Variants in HHAT observed in about 807,000 individuals in gnomAD.
HHAT encodes the protein hedgehog acyltransferase.
In HHAT, 47 loss-of-function variants were observed where a neutral mutation model predicts 70.8. The observed-to-expected ratio is 0.66, with a 90% CI of 0.53 to 0.85. The LOEUF is 0.85. Ranked by LOEUF, HHAT falls within the 40% of genes least tolerant of loss-of-function variation. The pLI is 0.00. For synonymous variants in HHAT, 228 were observed against 247.6 expected (o/e 0.92, Z 0.74); for missense variants, 609 against 604.8 (o/e 1.01, Z -0.07).
chr1:210,528,047 C>G (rs2095271721), intron 9 of HHAT, among the ~76,000 whole-genome samples: 1 of 152,160 alleles, frequency 6.6e-6, no homozygotes, highest in South Asian at 2.1e-4. Flanking sequence ...CAGCAGTGAG[C>G]AAAAAGACAT....
rs569224076 is a variant in HHAT at position 210,471,022 on chromosome 1, C to G, written c.1007+6367C>G. On this transcript the variant is annotated intron_variant, in intron 8 of 11. Coordinates refer to ENST00000261458, the MANE Select transcript of HHAT (RefSeq NM_018194.6). Reference sequence around the variant, plus strand: ...GATCATGTCTTATTCTTGTTTAATGCTGTAACCGTAGCACCCTCCTCAGTG... The same window carrying G: ...GATCATGTCTTATTCTTGTTTAATGGTGTAACCGTAGCACCCTCCTCAGTG... 1.8e-3 allele frequency among the ~76,000 whole-genome samples: 271 copies of G among 152,286 alleles called. 3 individuals are homozygous for G. The highest frequency in any genetic ancestry group is 6.2e-3 in the African/African-American group (259 of 41,566).
intron 9 of HHAT, among the ~76,000 whole-genome samples, chr1:210,567,746 C>T (rs1655121972): frequency 6.6e-6 from 1 of 152,110 alleles, no homozygotes; most frequent in Non-Finnish European, 1.5e-5. Flanking sequence ...TAGGTCACAG[C>T]TGTTAGGGTT....
chr1:210,487,948 A>C (rs895023505), intron 8 of HHAT, among the ~76,000 whole-genome samples: 1 of 152,174 alleles, frequency 6.6e-6, no homozygotes, highest in Non-Finnish European at 1.5e-5. Context: ...ACCATCCCTC[A>C]GAAGCCCCAA....
chr1:210,475,946 A>G (rs1572704319), intron 8 of HHAT, among the ~76,000 whole-genome samples: 2 of 152,366 alleles, frequency 1.3e-5, no homozygotes, highest in East Asian at 1.9e-4. Context: ...ATTATCATCA[A>G]TGAGAATCAG....
intron 3 of HHAT, among the ~76,000 whole-genome samples, chr1:210,375,003 C>T (rs1159543433): frequency 2.0e-5 from 3 of 152,222 alleles, no homozygotes; most frequent in African/African-American, 4.8e-5. Flanking sequence ...GTTAGCTCCC[C>T]AGTGGGGAAT....
intron 9 of HHAT, among the ~76,000 whole-genome samples, chr1:210,581,123 T>A (rs1178442693): frequency 6.6e-6 from 1 of 152,240 alleles, no homozygotes; most frequent in Admixed American, 6.5e-5. Flanking sequence ...ATAAATGTCT[T>A]CTTTTGAGAA....
intron 3 of HHAT, among the ~76,000 whole-genome samples, chr1:210,378,609 C>G (rs958802438): frequency 2.6e-5 from 4 of 151,942 alleles, no homozygotes; most frequent in African/African-American, 9.7e-5. Context: ...TACCTCTATA[C>G]AGTGTGTAAT....
intron 9 of HHAT, among the ~76,000 whole-genome samples, chr1:210,581,467 G>A (rs957122050): frequency 4.9e-4 from 75 of 152,324 alleles, no homozygotes; most frequent in African/African-American, 1.8e-3. Context: ...CCTGAGCAGG[G>A]GCTGGTCTCA....
intron 3 of HHAT, among the ~76,000 whole-genome samples, chr1:210,381,356 C>G (rs1046699841): frequency 1.3e-5 from 2 of 152,156 alleles, no homozygotes; most frequent in Admixed American, 1.3e-4. Flanking sequence ...TCTCAGTTCA[C>G]TGCAACCTCC....
intron 9 of HHAT, among the ~76,000 whole-genome samples, chr1:210,528,750 G>A (rs1178854688): frequency 6.6e-6 from 1 of 152,088 alleles, no homozygotes; most frequent in African/African-American, 2.4e-5. Flanking sequence ...AGATTTGTTT[G>A]CATTCAGATA....
intron 11 of HHAT, among the ~76,000 whole-genome samples, chr1:210,658,878 T>C (rs1472722196): frequency 6.6e-6 from 1 of 152,206 alleles, no homozygotes; most frequent in African/African-American, 2.4e-5. Flanking sequence ...AAAGATGTTC[T>C]TTGAAACCAG....
intron 9 of HHAT, among the ~76,000 whole-genome samples, chr1:210,587,600 C>T (rs2148786386): frequency 6.6e-6 from 1 of 152,306 alleles, no homozygotes; most frequent in African/African-American, 2.4e-5. Context: ...TTGGGCCCAT[C>T]CCTTTCAGAA....
chr1:210,380,771 A>G (rs1369066484), intron 3 of HHAT, among the ~76,000 whole-genome samples: 1 of 152,048 alleles, frequency 6.6e-6, no homozygotes, highest in Admixed American at 6.6e-5. Flanking sequence ...TAGAGGGAGC[A>G]AAGTGTGGGA....
intron 9 of HHAT, among the ~76,000 whole-genome samples, chr1:210,574,186 A>G (rs1346880199): frequency 6.6e-6 from 1 of 152,194 alleles, no homozygotes; most frequent in African/African-American, 2.4e-5. Flanking sequence ...AAAGAGGTAA[A>G]GAATCAAAGG....
intron 7 of HHAT, among the ~76,000 whole-genome samples, chr1:210,437,963 A>G (rs938767154): frequency 1.3e-5 from 2 of 151,650 alleles, no homozygotes; most frequent in Non-Finnish European, 2.9e-5. Flanking sequence ...GGGCCATCTC[A>G]CATATAAGGT....
At chr1:210,649,689 C>G (rs1228513524) in intron 11 of HHAT, among the ~76,000 whole-genome samples, 1 of 152,216 alleles carries the variant, frequency 6.6e-6, no homozygotes, top group Non-Finnish European at 1.5e-5. Context: ...GTTGTCAACT[C>G]TCATGTCCCA....
chr1:210,611,083 A>C (rs144959668), intron 10 of HHAT, among the ~76,000 whole-genome samples: 136 of 152,310 alleles, frequency 8.9e-4, no homozygotes, highest in African/African-American at 3.2e-3. Flanking sequence ...AATAACACTG[A>C]ATCTATGAAT....
chr1:210,636,752 G>A (rs530715147), intron 11 of HHAT, among the ~76,000 whole-genome samples: 12 of 152,286 alleles, frequency 7.9e-5, no homozygotes, highest in Admixed American at 6.5e-4. Flanking sequence ...TTTCCTCTGA[G>A]TCAAACATCC....
At position 210,588,004 on chromosome 1, in the gene HHAT, T is replaced by C; in HGVS notation, c.1150T>C (p.Tyr384His). 2 of 1,614,120 alleles carry C rather than the reference T, an allele frequency of 1.2e-6. No homozygotes were observed. The highest frequency in any genetic ancestry group is 1.7e-6 in the Non-Finnish European group (2 of 1,180,008). Residue 384 changes from tyrosine to histidine, a missense_variant, in exon 10 of 12, where the codon TAC (tyrosine) becomes CAC (histidine). By Grantham distance (83) the Tyr-to-His change is moderately conservative (BLOSUM62 2). Transcript: ENST00000261458. ...GAGCTACTGGCATGGCGGCTACGAC[T>C]ACCTCTGGTGCTGGGCAGCGCTCAA... ...FVSYWHGGYD[Y>H]LWCWAALNWL...
Sources: gnomAD v4.1 joint callset for allele counts (sites outside exome capture counted in the v4.1 genomes callset) on GRCh38, gnomAD v4.1.1 for gene constraint, MANE v1.5 for transcripts, NCBI Gene and HGNC (gene_info 2026-07-23, HGNC 2026-07-21) for gene names.